SCN11A: variants seen among roughly 807,000 people sequenced by gnomAD.
SCN11A encodes sodium channel protein type 11 subunit alpha.
A neutral mutation model predicts 162.2 loss-of-function variants in SCN11A; 122 were observed. The observed-to-expected ratio is 0.75, with a 90% CI of 0.65 to 0.87. The LOEUF is 0.87. Ranked by LOEUF, SCN11A falls within the 40% of genes least tolerant of loss-of-function variation. The probability of loss-of-function intolerance (pLI) is 0.00; values close to 1 mark genes in which losing one functional copy is unlikely to be tolerated. For missense variants in SCN11A, 2,015 were observed against 2,181.6 expected (o/e 0.92, Z 1.52); for synonymous variants, 758 against 751.5 (o/e 1.01, Z -0.14).
chr3:38,897,549 T>C (rs939435734), intron 17 of SCN11A, among the ~76,000 whole-genome samples: 2 of 152,002 alleles, frequency 1.3e-5, no homozygotes, highest in African/African-American at 4.8e-5. Flanking sequence ...ACCCCGTCTC[T>C]ACTAAAATAC....
intron 2 of SCN11A, among the ~76,000 whole-genome samples, chr3:39,031,765 A>G (rs562166505): frequency 1.3e-5 from 2 of 152,262 alleles, no homozygotes; most frequent in South Asian, 4.1e-4. Flanking sequence ...AAAGAAGACT[A>G]TTAAAGGGCT....
At chr3:39,049,850 T>C (rs2125620822) in intron 1 of SCN11A, among the ~76,000 whole-genome samples, 2 of 152,314 alleles carry the variant, frequency 1.3e-5, no homozygotes, top group South Asian at 4.1e-4. Flanking sequence ...GCCAAAAAAT[T>C]ATCCTCTGAC....
intron 27 of SCN11A, among the ~76,000 whole-genome samples, chr3:38,866,118 A>C (rs373027228): frequency 6.6e-6 from 1 of 152,220 alleles, no homozygotes; most frequent in Non-Finnish European, 1.5e-5. Context: ...GAAATTTAAA[A>C]ACAACCTATA....
chr3:39,008,954 G>T (rs532729939), intron 2 of SCN11A, among the ~76,000 whole-genome samples: 274 of 151,754 alleles, frequency 1.8e-3, no homozygotes, highest in Middle Eastern at 3.4e-3. Context: ...TGGCCCTAGG[G>T]GTCCCTGAAA....
chr3:39,008,554 C>T (rs1046655647), intron 2 of SCN11A, among the ~76,000 whole-genome samples: 3 of 152,148 alleles, frequency 2.0e-5, no homozygotes, highest in Non-Finnish European at 4.4e-5. Flanking sequence ...AGAAGGAAGT[C>T]CTTTTTAAAA....
At chr3:39,018,343 G>A (rs980989538) in intron 2 of SCN11A, among the ~76,000 whole-genome samples, 4 of 151,834 alleles carry the variant, frequency 2.6e-5, no homozygotes, top group African/African-American at 4.9e-5. Context: ...TGAAAACTCC[G>A]GGTGTTTTTA....
At chr3:38,861,913 T>A (rs959291261) in intron 28 of SCN11A, among the ~76,000 whole-genome samples, 1 of 152,130 alleles carries the variant, frequency 6.6e-6, no homozygotes, top group African/African-American at 2.4e-5. Context: ...CTAAAAATCT[T>A]CTGCACGGCA....
chr3:38,968,240 A>G (rs984901438), intron 2 of SCN11A, among the ~76,000 whole-genome samples: 1 of 152,094 alleles, frequency 6.6e-6, no homozygotes, highest in African/African-American at 2.4e-5. Flanking sequence ...TTCACTCTCA[A>G]CCACCATGTT....
intron 2 of SCN11A, among the ~76,000 whole-genome samples, chr3:39,000,741 T>A (rs1451644228): frequency 2.6e-5 from 4 of 152,202 alleles, no homozygotes; most frequent in East Asian, 1.9e-4. Flanking sequence ...TTAATTTTTT[T>A]AAATACCGTG....
At chr3:39,013,184 A>T (rs565044036) in intron 2 of SCN11A, among the ~76,000 whole-genome samples, 1 of 152,374 alleles carries the variant, frequency 6.6e-6, no homozygotes, top group African/African-American at 2.4e-5. Flanking sequence ...AAAAAAAGTC[A>T]TCAATAATGC....
At chr3:38,955,021 G>A (rs778425001) in intron 3 of SCN11A, among the ~76,000 whole-genome samples, 3 of 152,038 alleles carry the variant, frequency 2.0e-5, no homozygotes, top group Non-Finnish European at 4.4e-5. Flanking sequence ...TAACATTGAG[G>A]CCAGGTGCAG....
intron 2 of SCN11A, among the ~76,000 whole-genome samples, chr3:39,028,229 G>A (rs1257980081): frequency 6.6e-6 from 1 of 152,208 alleles, no homozygotes; most frequent in Non-Finnish European, 1.5e-5. Context: ...GCTCTCAGAT[G>A]CTCTCACTGA....
chr3:38,934,200 G>A (rs2066291138), intron 7 of SCN11A, among the ~76,000 whole-genome samples: 1 of 152,226 alleles, frequency 6.6e-6, no homozygotes, highest in Non-Finnish European at 1.5e-5. Flanking sequence ...CACCAGGCCT[G>A]CCCTAAAAGA....
At chr3:38,947,831 CA>C (rs772801951) in intron 5 of SCN11A, among the ~76,000 whole-genome samples, 5 of 152,230 alleles carry the variant, frequency 3.3e-5, no homozygotes, top group Non-Finnish European at 7.3e-5. Flanking sequence ...CTATCAGTTA[CA>C]AAAGCCTTCA....
At chr3:38,998,801 A>G (rs1329449805) in intron 2 of SCN11A, among the ~76,000 whole-genome samples, 1 of 151,290 alleles carries the variant, frequency 6.6e-6, no homozygotes, top group African/African-American at 2.4e-5. Context: ...GCAAACTATC[A>G]CAAGGACAAA....
chr3:39,030,767 A>C (rs1046918820), intron 2 of SCN11A, among the ~76,000 whole-genome samples: 1 of 152,088 alleles, frequency 6.6e-6, no homozygotes, highest in Non-Finnish European at 1.5e-5. Context: ...TGGTTTTTAT[A>C]TTGTTTTTAT....
chr3:38,911,351 G>A (rs774600424), intron 11 of SCN11A, among the ~76,000 whole-genome samples: 2 of 152,192 alleles, frequency 1.3e-5, no homozygotes, highest in Non-Finnish European at 2.9e-5. Flanking sequence ...GCACTGCTCA[G>A]TTATTATCCT....
chr3:39,047,869 AAAAC>A (rs933214510), intron 1 of SCN11A, among the ~76,000 whole-genome samples: 84 of 152,350 alleles, frequency 5.5e-4, no homozygotes, highest in African/African-American at 1.9e-3. Context: ...GAAAAAGACA[AAAAC>A]AAATGCAGAG....
intron 1 of SCN11A, among the ~76,000 whole-genome samples, chr3:39,035,911 T>C (rs1348723389): frequency 6.6e-6 from 1 of 152,240 alleles, no homozygotes; most frequent in Admixed American, 6.5e-5. Flanking sequence ...AGTGCTGGGA[T>C]TACAGGCGTG....
Sources: gnomAD v4.1 joint callset for allele counts (sites outside exome capture counted in the v4.1 genomes callset) on GRCh38, gnomAD v4.1.1 for gene constraint, MANE v1.5 for transcripts, NCBI Gene and HGNC (gene_info 2026-07-23, HGNC 2026-07-21) for gene names.